CNTN6: variants seen among roughly 807,000 people sequenced by gnomAD.
The protein encoded by CNTN6 is contactin 6, also known as contactin-6.
In CNTN6, 137 loss-of-function variants were observed where a neutral mutation model predicts 122.8. The observed-to-expected ratio is 1.12, with a 90% CI of 0.97 to 1.29. CNTN6 has a LOEUF of 1.29. Among genes scored for constraint, CNTN6 ranks in the 50% most tolerant of loss-of-function variants. The pLI, the probability that CNTN6 is intolerant of heterozygous loss-of-function variation, is 0.00. For synonymous variants in CNTN6, 570 were observed against 426.0 expected (o/e 1.34, Z -4.16); for missense variants, 1,634 against 1,223.4 (o/e 1.34, Z -5.01).
chr3:1,379,310 A>G (rs1324542956), intron 17 of CNTN6, among the ~76,000 whole-genome samples: 1 of 152,196 alleles, frequency 6.6e-6, no homozygotes, highest in Non-Finnish European at 1.5e-5. Flanking sequence ...ACCCATAGCT[A>G]CATCCATTAA....
chr3:1,147,325 A>G (rs1262537115), intron 1 of CNTN6, among the ~76,000 whole-genome samples: 1 of 152,134 alleles, frequency 6.6e-6, no homozygotes, highest in Non-Finnish European at 1.5e-5. Context: ...ACAATCAACC[A>G]TAGTCTGTTA....
At chr3:1,252,068 C>G (rs2094680709) in intron 4 of CNTN6, among the ~76,000 whole-genome samples, 1 of 152,186 alleles carries the variant, frequency 6.6e-6, no homozygotes, top group African/African-American at 2.4e-5. Context: ...TTTCCAATCC[C>G]ATCTATCACA....
chr3:1,166,363 A>C (rs2093248456), intron 2 of CNTN6, among the ~76,000 whole-genome samples: 1 of 152,148 alleles, frequency 6.6e-6, no homozygotes, highest in Non-Finnish European at 1.5e-5. Flanking sequence ...TCTGAACCCA[A>C]GTACACATAT....
intron 4 of CNTN6, among the ~76,000 whole-genome samples, chr3:1,248,357 A>G (rs556095393): frequency 3.3e-5 from 5 of 152,336 alleles, no homozygotes; most frequent in Admixed American, 3.3e-4. Flanking sequence ...TCTGTGATGT[A>G]TGCTTTAGTT....
chr3:1,283,207 G>A (rs147230635), intron 5 of CNTN6, among the ~76,000 whole-genome samples: 2,913 of 152,158 alleles, frequency 0.019, 105 homozygotes, highest in African/African-American at 0.066. Context: ...CGCCTGCCTC[G>A]GCTTCCCAAA....
chr3:1,177,241 T>C (rs892028085), intron 2 of CNTN6, among the ~76,000 whole-genome samples: 6 of 152,204 alleles, frequency 3.9e-5, no homozygotes, highest in African/African-American at 1.4e-4. Flanking sequence ...AACTCAGATA[T>C]AAAAAATTTT....
intron 1 of CNTN6, among the ~76,000 whole-genome samples, chr3:1,116,864 A>C (rs923621257): frequency 1.3e-5 from 2 of 151,904 alleles, no homozygotes; most frequent in Admixed American, 6.6e-5. Context: ...GCCACCACGC[A>C]TGGCTAATTT....
chr3:1,143,898 G>T (rs1188056852), intron 1 of CNTN6, among the ~76,000 whole-genome samples: 1 of 152,152 alleles, frequency 6.6e-6, no homozygotes, highest in African/African-American at 2.4e-5. Flanking sequence ...GTGACTTCTA[G>T]GTCAAACCCT....
chr3:1,154,438 T>C (rs968086012), intron 2 of CNTN6, among the ~76,000 whole-genome samples: 1 of 145,992 alleles, frequency 6.8e-6, no homozygotes, highest in Non-Finnish European at 1.5e-5. Flanking sequence ...ATTTTTCTTT[T>C]CTTTTCTTTC....
intron 2 of CNTN6, among the ~76,000 whole-genome samples, chr3:1,199,091 G>T (rs1255964723): frequency 2.0e-5 from 3 of 151,790 alleles, no homozygotes; most frequent in African/African-American, 7.3e-5. Flanking sequence ...TTCCTTCAGA[G>T]CCTCCAGAAG....
chr3:1,108,884 T>A (rs1300912252), intron 1 of CNTN6, among the ~76,000 whole-genome samples: 1 of 152,036 alleles, frequency 6.6e-6, no homozygotes, highest in Non-Finnish European at 1.5e-5. Context: ...GACCTACTGT[T>A]GATTTGTCAG....
At chr3:1,271,402 G>A (rs1164045638) in intron 4 of CNTN6, among the ~76,000 whole-genome samples, 2 of 152,084 alleles carry the variant, frequency 1.3e-5, no homozygotes. Context: ...TAACTAAAGG[G>A]CCTTTAGGAG....
chr3:1,113,207 G>T (rs1005897619), intron 1 of CNTN6, among the ~76,000 whole-genome samples: 3 of 152,058 alleles, frequency 2.0e-5, no homozygotes, highest in African/African-American at 7.2e-5. Context: ...AAGAGGCCAG[G>T]GACTTTTAGA....
intron 4 of CNTN6, among the ~76,000 whole-genome samples, chr3:1,248,464 G>A (rs2094611230): frequency 6.6e-6 from 1 of 152,100 alleles, no homozygotes; most frequent in Non-Finnish European, 1.5e-5. Flanking sequence ...TAAAATAGAA[G>A]CTACTATTAT....
chr3:1,390,959 G>A (rs1186900767), intron 20 of CNTN6, among the ~76,000 whole-genome samples: 18 of 147,280 alleles, frequency 1.2e-4, no homozygotes, highest in African/African-American at 3.6e-4. Context: ...ATTCACAGCC[G>A]AATTCTACCA....
intron 11 of CNTN6, among the ~76,000 whole-genome samples, chr3:1,349,435 A>G (rs1164096591): frequency 1.3e-5 from 2 of 151,684 alleles, no homozygotes; most frequent in African/African-American, 4.8e-5. Flanking sequence ...TATGCAAATG[A>G]AGGTAGAATA....
chr3:1,360,581 T>C (rs989420559), intron 12 of CNTN6, among the ~76,000 whole-genome samples: 4 of 151,994 alleles, frequency 2.6e-5, no homozygotes, highest in Admixed American at 6.6e-5. Flanking sequence ...ATATATTCTA[T>C]ATACATGTAT....
At chr3:1,298,200 C>T (rs1056691799) in intron 7 of CNTN6, 10 of 494,582 alleles carry the variant, frequency 2.0e-5, no homozygotes, top group South Asian at 1.1e-4. Context: ...ATCAGGGCTG[C>T]AATTCTTCCC....
At chr3:1,103,492 G>C (rs2091059149) in intron 1 of CNTN6, among the ~76,000 whole-genome samples, 1 of 152,176 alleles carries the variant, frequency 6.6e-6, no homozygotes, top group South Asian at 2.1e-4. Context: ...GGGCACTTAG[G>C]TGGCAAAAGT....
Sources: allele counts gnomAD v4.1 joint callset (sites outside exome capture counted in the v4.1 genomes callset), GRCh38; gene constraint gnomAD v4.1.1; transcripts MANE v1.5; gene names NCBI Gene and HGNC (gene_info 2026-07-23, HGNC 2026-07-21).